PRMT7: variants seen among roughly 807,000 people sequenced by gnomAD.
PRMT7 encodes protein arginine N-methyltransferase 7.
A neutral mutation model predicts 85.4 loss-of-function variants in PRMT7; 75 were observed. The observed-to-expected ratio is 0.88, with a 90% CI of 0.73 to 1.06. The LOEUF is 1.06. Among genes scored for constraint, PRMT7 ranks in the 50% least tolerant of loss-of-function variants. The pLI, the probability that PRMT7 is intolerant of heterozygous loss-of-function variation, is 0.00. For missense variants in PRMT7, 868 were observed against 915.2 expected, an observed-to-expected ratio of 0.95 and a Z score of 0.67; for synonymous variants, 397 against 359.5, an observed-to-expected ratio of 1.10 and a Z score of -1.18.
intron 5 of PRMT7, among the ~76,000 whole-genome samples, chr16:68,325,731 C>T (rs1380311439): frequency 6.6e-6 from 1 of 150,942 alleles, no homozygotes; most frequent in Non-Finnish European, 1.5e-5. Flanking sequence ...GCAGAGGTTA[C>T]AGTGAGCCGA....
chr16:68,326,501 C>A (rs1372510733), intron 5 of PRMT7, among the ~76,000 whole-genome samples: 4 of 152,224 alleles, frequency 2.6e-5, no homozygotes, highest in African/African-American at 9.6e-5. Context: ...CCACCTCAGC[C>A]TCCCAAAGTG....
At position 68,329,103 on chromosome 16, in the gene PRMT7, T is replaced by G. The variant is rs2151557862; in HGVS notation, c.320T>G (p.Val107Gly). 1.2e-6 allele frequency: 2 copies of G among 1,612,754 alleles called. No individual in the cohort carries two copies. Among genetic ancestry groups the G allele is most frequent in the Admixed American group, 1.7e-5 (1 of 60,014 alleles). Residue 107 changes from valine to glycine, a missense_variant, in exon 6 of 19, where the codon GTG (valine) becomes GGG (glycine). Physicochemically the swap from Val to Gly is moderately radical, Grantham distance 109. Coordinates refer to ENST00000441236, the MANE Select transcript of PRMT7 (RefSeq NM_019023.5). ...KPMADAAVKI[V>G]EKNGFSDKIK... is the part of the protein sequence containing the mutation. ...ATGGCTGATGCTGCTGTGAAGATTG[T>G]GGAGAAAAATGGCTTTAGTGATAAG... is the stretch of plus-strand genomic sequence containing the variant.
intron 11 of PRMT7, among the ~76,000 whole-genome samples, chr16:68,346,910 A>G (rs2086483571): frequency 6.6e-6 from 1 of 152,090 alleles, no homozygotes; most frequent in Non-Finnish European, 1.5e-5. Flanking sequence ...TCTGTGCTCT[A>G]ACCAGACAGG....
At chr16:68,344,774 C>A (rs987328616) in intron 9 of PRMT7, among the ~76,000 whole-genome samples, 1 of 151,976 alleles carries the variant, frequency 6.6e-6, no homozygotes, top group African/African-American at 2.4e-5. Context: ...AAGCCAAAAC[C>A]TTTTTGTATT....
chr16:68,346,412 G>A (rs927394048), intron 11 of PRMT7, 132 bp downstream of exon 11: 7 of 1,308,476 alleles, frequency 5.3e-6, no homozygotes, highest in African/African-American at 1.5e-5. Context: ...TTCAGCGAGC[G>A]CCTCCTGGGT....
At chr16:68,314,330 A>G (rs1178252801) in intron 2 of PRMT7, among the ~76,000 whole-genome samples, 1 of 152,196 alleles carries the variant, frequency 6.6e-6, no homozygotes, top group Admixed American at 6.5e-5. Context: ...TCCTGGATTC[A>G]AGTGATTCTC....
chr16:68,338,761 G>A (rs1292361850), intron 7 of PRMT7, among the ~76,000 whole-genome samples: 1 of 152,222 alleles, frequency 6.6e-6, no homozygotes, highest in African/African-American at 2.4e-5. Flanking sequence ...TGAAAGCCAT[G>A]TGGGTAGCAG....
chr16:68,311,664 T>A (rs987205004), intron 1 of PRMT7: 1 of 152,242 alleles, frequency 6.6e-6, no homozygotes, highest in Non-Finnish European at 1.5e-5. Flanking sequence ...GCAAAAGTGC[T>A]TCGGTCGCTC....
At chr16:68,360,860 C>T (rs36087213), downstream of PRMT7, 11,393 of 243,212 alleles carry the variant, frequency 0.047, 319 homozygotes, top group Middle Eastern at 0.12. Flanking sequence ...AAATAAAGAA[C>T]CCTGGACGAA....
chr16:68,346,057 T>A (rs1719823367), intron 10 of PRMT7, 88 bp from the exon 11 acceptor site: 1 of 1,580,286 alleles, frequency 6.3e-7, no homozygotes, highest in Admixed American at 1.7e-5. Flanking sequence ...CCCTCATGCC[T>A]ACTGGAGACC....
At chr16:68,323,411 G>C (rs945884477) in intron 4 of PRMT7, among the ~76,000 whole-genome samples, 1 of 151,748 alleles carries the variant, frequency 6.6e-6, no homozygotes, top group African/African-American at 2.4e-5. Flanking sequence ...GTAGAGATGG[G>C]GTTTCACCAT....
intron 14 of PRMT7, among the ~76,000 whole-genome samples, chr16:68,349,065 G>A (rs1415766807): frequency 6.6e-6 from 1 of 152,034 alleles, no homozygotes; most frequent in African/African-American, 2.4e-5. Context: ...CCCCGTCCAC[G>A]GCTTCCTGCT....
Position 68,352,360 on chromosome 16 carries a change from T to G in PRMT7, c.1526T>G (p.Met509Arg). The G allele has an allele frequency of 6.2e-7, 1 of 1,610,602 alleles. No homozygotes were observed. The highest frequency in any genetic ancestry group is 8.5e-7 in the Non-Finnish European group (1 of 1,179,792). The change falls in exon 15 of 19, where the codon ATG (methionine) becomes AGG (arginine). Residue 509 changes from methionine (M) to arginine (R), a missense_variant. Coordinates refer to ENST00000441236, the MANE Select transcript of PRMT7 (RefSeq NM_019023.5). Reference sequence around the variant, plus strand: ...GACCAGCACCTGGGGCCAGGTGCCATGGTGATGCCCCAGGCAGCCTCGCTG... The same window carrying G: ...GACCAGCACCTGGGGCCAGGTGCCAGGGTGATGCCCCAGGCAGCCTCGCTG... ...AVDQHLGPGAMVMPQAASLHA... is the reference protein window; with the variant it reads ...AVDQHLGPGARVMPQAASLHA...
At chr16:68,355,513 G>A in intron 16 of PRMT7, 1 of 448,330 alleles carries the variant, frequency 2.2e-6, no homozygotes, top group Non-Finnish European at 3.8e-6. Flanking sequence ...AATCCGGAGA[G>A]CGAGGCTCAG....
At position 68,352,384 on chromosome 16, in the gene PRMT7, T is replaced by C; in HGVS notation, c.1550T>C (p.Leu517Pro). Reference protein sequence around the residue: ...GAMVMPQAASLHAVVVEFRDL... With the variant: ...GAMVMPQAASPHAVVVEFRDL... Reference sequence around the variant, plus strand: ...ATGGTGATGCCCCAGGCAGCCTCGCTGCACGCTGTGGTTGTGGAGTTCAGG... The same window carrying C: ...ATGGTGATGCCCCAGGCAGCCTCGCCGCACGCTGTGGTTGTGGAGTTCAGG... The change falls in exon 15 of 19, where the codon CTG (leucine) becomes CCG (proline). Residue 517 changes from leucine to proline, a missense_variant. By Grantham distance (98) the Leu-to-Pro change is moderately conservative (BLOSUM62 -3). Coordinates refer to ENST00000441236, the MANE Select transcript of PRMT7 (RefSeq NM_019023.5). 2 of 1,607,232 alleles carry C rather than the reference T, an allele frequency of 1.2e-6. No homozygotes were observed. Among genetic ancestry groups the C allele is most frequent in the Non-Finnish European group, 1.7e-6 (2 of 1,179,672 alleles).
At chr16:68,314,979 T>C (rs1006276900) in intron 2 of PRMT7, among the ~76,000 whole-genome samples, 1 of 152,048 alleles carries the variant, frequency 6.6e-6, no homozygotes, top group Non-Finnish European at 1.5e-5. Context: ...TAATGAAGCA[T>C]AAGGAATGCT....
intron 14 of PRMT7, chr16:68,351,987 C>T (rs549499756): frequency 4.9e-5 from 18 of 366,362 alleles, no homozygotes; most frequent in African/African-American, 1.5e-4. Context: ...CTCCTGAGCA[C>T]GGGACTCATG....
At position 68,329,135 on chromosome 16, in the gene PRMT7, G is replaced by T. The variant is rs1464140596; in HGVS notation, c.352G>T (p.Val118Phe). 6.2e-7 allele frequency: 1 copy of T among 1,609,692 alleles called. No individual in the cohort carries two copies. Among genetic ancestry groups the T allele is most frequent in the Non-Finnish European group, 8.5e-7 (1 of 1,176,032 alleles). ...AAATGGCTTTAGTGATAAGATTAAG[G>T]TTATCAACAAGCATTCCACCGAGGT... ...EKNGFSDKIK[V>F]INKHSTEVTV... The change falls in exon 6 of 19, where the codon GTT becomes TTT. Residue 118 changes from valine (V) to phenylalanine (F), a missense_variant. By Grantham distance (50) the Val-to-Phe change is conservative (BLOSUM62 -1). Coordinates refer to ENST00000441236, the MANE Select transcript of PRMT7 (RefSeq NM_019023.5).
At chr16:68,341,001 TTG>T (rs1295528497) in intron 9 of PRMT7, among the ~76,000 whole-genome samples, 1 of 152,202 alleles carries the variant, frequency 6.6e-6, no homozygotes, top group African/African-American at 2.4e-5. Flanking sequence ...ATATATGTGT[TTG>T]TGAGTGGATA....
Sources: gnomAD v4.1 joint callset for allele counts (sites outside exome capture counted in the v4.1 genomes callset) on GRCh38, gnomAD v4.1.1 for gene constraint, MANE v1.5 for transcripts, NCBI Gene and HGNC (gene_info 2026-07-23, HGNC 2026-07-21) for gene names.